The following SLC43A1 variants were observed in gnomAD, a reference collection of about 807,000 sequenced individuals.
The protein encoded by SLC43A1 is solute carrier family 43 member 1.
SLC43A1 carries 31 observed loss-of-function variants against 59.5 expected under a neutral mutation model. The ratio of observed to expected loss-of-function variants is 0.52; its 90% CI spans 0.39 to 0.70. The LOEUF (loss-of-function observed/expected upper bound fraction) is 0.70, where lower values mean the gene tolerates loss of function less well. Among genes scored for constraint, SLC43A1 ranks in the 30% least tolerant of loss-of-function variants. SLC43A1 has a pLI of 0.00. For synonymous variants in SLC43A1, 259 were observed against 290.9 expected, an observed-to-expected ratio of 0.89 and a Z score of 1.12; for missense variants, 598 against 717.8, an observed-to-expected ratio of 0.83 and a Z score of 1.91.
chr11:57,489,236 G>A lies in SLC43A1; in HGVS notation c.1335+15C>T, dbSNP rs1462030854. The A allele has an allele frequency of 1.9e-6, 3 of 1,614,016 alleles. No homozygotes were observed. Among genetic ancestry groups the A allele is most frequent in the East Asian group, 2.2e-5 (1 of 44,890 alleles). Reference sequence around the variant, plus strand: ...CCTCGGGAGGCAGGGAGAGGGGAAGGATGAAGGTGGGTACCTGGAGGTGTA... The same window carrying A: ...CCTCGGGAGGCAGGGAGAGGGGAAGAATGAAGGTGGGTACCTGGAGGTGTA... On this transcript the variant is annotated intron_variant, in intron 12 of 14. Coordinates refer to ENST00000278426, the MANE Select transcript of SLC43A1 (RefSeq NM_003627.6).
chr11:57,505,767 C>T (rs1485736263), intron 2 of SLC43A1, among the ~76,000 whole-genome samples: 1 of 151,986 alleles, frequency 6.6e-6, no homozygotes, highest in Non-Finnish European at 1.5e-5. Flanking sequence ...CTGCAAATGA[C>T]TAGGTTTGGG....
Position 57,491,381 on chromosome 11 carries a change from G to C in SLC43A1, c.1055-19C>G, listed in dbSNP as rs764253879. 5.7e-6 allele frequency: 9 copies of C among 1,577,490 alleles called. No individual in the cohort carries two copies. Among genetic ancestry groups the C allele is most frequent in the Middle Eastern group, 1.8e-4 (1 of 5,670 alleles). On this transcript the variant is annotated intron_variant, in intron 10 of 14. Transcript: ENST00000278426. ...AACCCAACTGGGCAGGATGGGAAGG[G>C]CAGTGGGGTCAGGAACTGGCACTCA...
In SLC43A1 at chr11:57,514,771, CCTCA is replaced by C. The variant is rs1335315622; in HGVS notation, c.-13-651_-13-648del. The C allele has an allele frequency of 3.1e-6, 3 of 978,182 alleles. No homozygotes were observed. The highest frequency in any genetic ancestry group is 3.6e-6 in the Non-Finnish European group (3 of 823,414). 60.6% of individuals were successfully genotyped at this position (978,182 alleles called of 1,614,324 possible). ...TCGGTTCCCTCCTCCCCCGCGCGCCCCTCACTCACTCCGCAGGGCTCGGGGCACC... is the reference window on the plus strand; with the variant it reads ...TCGGTTCCCTCCTCCCCCGCGCGCCCCTCACTCCGCAGGGCTCGGGGCACC... On this transcript the variant is annotated intron_variant, in intron 1 of 14. Transcript: ENST00000278426. The surrounding 1 kb of genome is among the most constrained non-coding windows in gnomAD (Gnocchi z 5.5).
Position 57,488,874 on chromosome 11 carries a change from G to A in SLC43A1, c.1409+42C>T, listed in dbSNP as rs764873235. 5.8e-6 allele frequency: 9 copies of A among 1,544,604 alleles called. No individual in the cohort carries two copies. The Middle Eastern group carries it at 8.5e-4, about 145-fold the overall frequency. On this transcript the variant is annotated intron_variant, in intron 13 of 14. Coordinates refer to ENST00000278426, the MANE Select transcript of SLC43A1 (RefSeq NM_003627.6). ...CCCTTCCCTGGGGTTCTCTGATCACGGTTGCAAAGCTCAGGAAGGCATTTC... is the reference window on the plus strand; with the variant it reads ...CCCTTCCCTGGGGTTCTCTGATCACAGTTGCAAAGCTCAGGAAGGCATTTC...
In SLC43A1 at chr11:57,501,288, A is replaced by G. The variant is rs1944260875; in HGVS notation, c.196T>C (p.Trp66Arg). ...TCGTCCTGCTGGTCACAGCCTGGCC[A>G]CCTGCGCTGCTCATCCTGGGTGGTG... ...TNTTQDEQRRWPGCDQQDEML... is the reference protein window; with the variant it reads ...TNTTQDEQRRRPGCDQQDEML... The change falls in exon 3 of 15, where the codon TGG (tryptophan) becomes CGG (arginine). Residue 66 changes from tryptophan to arginine, a missense_variant. By Grantham distance (101) the Trp-to-Arg change is moderately radical. Coordinates refer to ENST00000278426, the MANE Select transcript of SLC43A1 (RefSeq NM_003627.6). The G allele has an allele frequency of 6.2e-7, 1 of 1,611,696 alleles. No homozygotes were observed. The highest frequency in any genetic ancestry group is 2.2e-5 in the East Asian group (1 of 44,884).
chr11:57,491,225 T>A lies in SLC43A1; in HGVS notation c.1192A>T (p.Arg398Trp). The A allele has an allele frequency of 6.4e-7, 1 of 1,561,936 alleles. No homozygotes were observed. The highest frequency in any genetic ancestry group is 8.7e-7 in the Non-Finnish European group (1 of 1,151,822). Reference sequence around the variant, plus strand: ...ACCATCCCTGTACAGGCAGGTCACCTGGCATCTCCGAGGACAGTGCCCTGA... The same window carrying A: ...ACCATCCCTGTACAGGCAGGTCACCAGGCATCTCCGAGGACAGTGCCCTGA... ...PTQGTVLGDA[R>W]DGVATKSIRP... Residue 398 changes from arginine (R) to tryptophan (W), a missense_variant and splice_region_variant, in exon 11 of 15, where the codon AGG (arginine) becomes TGG (tryptophan). Physicochemically the swap from Arg to Trp is moderately radical, Grantham distance 101. Coordinates refer to ENST00000278426, the MANE Select transcript of SLC43A1 (RefSeq NM_003627.6).
rs968216604 is a variant in SLC43A1 at position 57,494,418 on chromosome 11, G to A, written c.693-247C>T. On this transcript the variant is annotated intron_variant, in intron 7 of 14. Coordinates refer to ENST00000278426, the MANE Select transcript of SLC43A1 (RefSeq NM_003627.6). ...TTTCACTTGGGCTGTTCCCATGGAG[G>A]AGGCAGCATTAACACCTCAGACTCC... 2.0e-5 allele frequency: 10 copies of A among 488,354 alleles called. No individual in the cohort carries two copies. In the Admixed American group the frequency reaches 3.1e-4, roughly 15 times the overall value. The allele number at this position is 488,354 out of a possible 1,614,324, so 30.3% of individuals were successfully genotyped here.
Position 57,484,625 on chromosome 11 carries a change from C to T in SLC43A1, c.*471G>A, listed in dbSNP as rs1228141202. 6.6e-6 allele frequency: 1 copy of T among 152,632 alleles called. No individual in the cohort carries two copies. The highest frequency in any genetic ancestry group is 1.5e-5 in the Non-Finnish European group (1 of 68,354). 9.5% of individuals were successfully genotyped at this position (152,632 alleles called of 1,614,324 possible). The stretch of plus-strand genomic sequence containing the variant: ...TCCTGGCCCTGGAAGGGGCCGACCC[C>T]CAACCCCTAACCCAGGACACAGCTG... On this transcript the variant is annotated 3_prime_UTR_variant, in exon 15 of 15. Coordinates refer to ENST00000278426, the MANE Select transcript of SLC43A1 (RefSeq NM_003627.6).
rs1944622885 is a variant in SLC43A1 at position 57,514,173 on chromosome 11, G to A, written c.-13-49C>T. 7 of 1,511,434 alleles carry A rather than the reference G, an allele frequency of 4.6e-6. No individual in the cohort carries two copies. Among genetic ancestry groups the A allele is most frequent in the South Asian group, 1.3e-5 (1 of 78,834 alleles). The allele number at this position is 1,511,434 out of a possible 1,614,324, so 93.6% of individuals were successfully genotyped here. The stretch of plus-strand genomic sequence containing the variant: ...TGAAGGGCCCCCCAGTGGCCCCAGG[G>A]AAGGGTCCTGCATCATGGTGGCACC... On this transcript the variant is annotated intron_variant, in intron 1 of 14. Coordinates refer to ENST00000278426, the MANE Select transcript of SLC43A1 (RefSeq NM_003627.6). The surrounding 1 kb of genome is among the most constrained non-coding windows in gnomAD (Gnocchi z 5.5).
intron 12 of SLC43A1, 121 bp downstream of exon 12, chr11:57,489,130 C>G: frequency 6.8e-7 from 1 of 1,462,672 alleles, no homozygotes. Flanking sequence ...CCTGGAGAAC[C>G]CGGAAAATAG....
intron 2 of SLC43A1, among the ~76,000 whole-genome samples, chr11:57,504,249 G>A (rs1944341779): frequency 6.6e-6 from 1 of 152,166 alleles, no homozygotes; most frequent in Admixed American, 6.5e-5. Context: ...GACTGTAGCT[G>A]AGTGGAGGCC....
At chr11:57,491,152 T>C in intron 11 of SLC43A1, 72 bp downstream of exon 11, 3 of 1,453,974 alleles carry the variant, frequency 2.1e-6, no homozygotes, top group Non-Finnish European at 2.7e-6. Context: ...AGTTGCTGGA[T>C]GTAAACGCAC....
At chr11:57,489,138 T>A in intron 12 of SLC43A1, 113 bp downstream of exon 12, 1 of 1,470,796 alleles carries the variant, frequency 6.8e-7, no homozygotes, top group Non-Finnish European at 9.4e-7. Flanking sequence ...ACCCGGAAAA[T>A]AGATCCAGAT....
At chr11:57,501,459 C>T in intron 2 of SLC43A1, 130 bp from the exon 3 acceptor site, 1 of 861,266 alleles carries the variant, frequency 1.2e-6, no homozygotes, top group East Asian at 2.6e-5. Context: ...CCTAGAGTCA[C>T]ATCTCCTCTG....
intron 2 of SLC43A1, 89 bp from the exon 3 acceptor site, chr11:57,501,418 C>T (rs1471343873): frequency 7.1e-7 from 1 of 1,400,854 alleles, no homozygotes; most frequent in African/African-American, 1.4e-5. Context: ...GGCCTGCTTT[C>T]AAATCCCATG....
Position 57,487,003 on chromosome 11 carries a change from G to C in SLC43A1, c.1533+92C>G, listed in dbSNP as rs530634851. ...AGAGACCTCTGAGGTGCCTCTGGCTGAGATGAGTGAGGGATGGCACCACAT... is the reference window on the plus strand; with the variant it reads ...AGAGACCTCTGAGGTGCCTCTGGCTCAGATGAGTGAGGGATGGCACCACAT... On this transcript the variant is annotated intron_variant, in intron 14 of 14. Coordinates refer to ENST00000278426, the MANE Select transcript of SLC43A1 (RefSeq NM_003627.6). 1.6e-5 allele frequency: 23 copies of C among 1,404,904 alleles called. No individual in the cohort carries two copies. In the South Asian group the frequency reaches 2.7e-4, roughly 16 times the overall value. 87.0% of individuals were successfully genotyped at this position (1,404,904 alleles called of 1,614,324 possible).
At position 57,513,960 on chromosome 11, in the gene SLC43A1, G is replaced by T; in HGVS notation, c.152C>A (p.Pro51Gln). The T allele has an allele frequency of 7.0e-7, 1 of 1,433,834 alleles. No homozygotes were observed. The highest frequency in any genetic ancestry group is 2.6e-5 in the East Asian group (1 of 39,104). The allele number at this position is 1,433,834 out of a possible 1,614,324, so 88.8% of individuals were successfully genotyped here. The change falls in exon 2 of 15, where the codon CCA becomes CAA. Residue 51 changes from proline (P) to glutamine (Q), a missense_variant and splice_region_variant. Transcript: ENST00000278426. ...KNEGFYSSTC[P>Q]AESSTNTTQD... ...ACCCAGCCCATTTTCAGGCATACCT[G>T]GGCACGTGCTGGAATAGAAGCCCTC...
chr11:57,511,392 C>T (rs1381208227), intron 2 of SLC43A1, among the ~76,000 whole-genome samples: 2 of 151,904 alleles, frequency 1.3e-5, no homozygotes, highest in Admixed American at 6.6e-5. Flanking sequence ...TGTGCCTCTG[C>T]ACTCCAGCCT....
In SLC43A1 at chr11:57,491,841, CTCT is replaced by C. The variant is rs1434031342; in HGVS notation, c.890_892del (p.Lys297del). The C allele has an allele frequency of 6.2e-7, 1 of 1,614,038 alleles. No individual in the cohort carries two copies. The highest frequency in any genetic ancestry group is 1.3e-5 in the African/African-American group (1 of 74,936). ...CCACAGGAAAGTGGGGGAGCAGAGG[CTCT>C]TGCGTAAGGGGACAGACCCTGGGGA... is the stretch of plus-strand genomic sequence containing the variant. On this transcript the variant is annotated inframe_deletion, in exon 9 of 15. Transcript: ENST00000278426.
Sources: allele counts gnomAD v4.1 joint callset (sites outside exome capture counted in the v4.1 genomes callset), GRCh38; gene constraint gnomAD v4.1.1; non-coding constraint Gnocchi (gnomAD v3.1); transcripts MANE v1.5; gene names NCBI Gene and HGNC (gene_info 2026-07-23, HGNC 2026-07-21).